The following NOC4L variants were observed in gnomAD, a reference collection of about 807,000 sequenced individuals.
The protein encoded by NOC4L is nucleolar complex associated 4 homolog, also known as nucleolar complex protein 4 homolog.
NOC4L carries 40 observed loss-of-function variants against 62.8 expected under a neutral mutation model. That is an observed-to-expected ratio of 0.64 (90% CI 0.49 to 0.83). The LOEUF (loss-of-function observed/expected upper bound fraction) is 0.83, where lower values mean the gene tolerates loss of function less well. Among genes scored for constraint, NOC4L ranks in the 40% least tolerant of loss-of-function variants. The pLI is 0.00. For missense variants in NOC4L, 927 were observed against 701.9 expected (o/e 1.32, Z -3.62); for synonymous variants, 433 against 299.8 (o/e 1.44, Z -4.59).
chr12:132,150,626 TCATACCACACC>T (rs1897891015), intron 9 of NOC4L, among the ~76,000 whole-genome samples: 27 of 896 alleles, frequency 0.03, 13 homozygotes, highest in South Asian at 0.15. Flanking sequence ...GCCGCCTCGC[TCATACCACACC>T]CCTAATCCCC....
chr12:132,151,551 C>A lies in NOC4L; in HGVS notation c.1141C>A (p.Pro381Thr), dbSNP rs762665769. 3 of 1,609,434 alleles carry A rather than the reference C, an allele frequency of 1.9e-6. No individual in the cohort carries two copies. Among genetic ancestry groups the A allele is most frequent in the Admixed American group, 1.7e-5 (1 of 59,788 alleles). ...RLARLALTAP[P>T]EALLMVLPFI... ...GGCCCGCCTGGCCCTGACGGCTCCC[C>A]CTGAGGCCCTGCTCATGGTCCTGCC... The change falls in exon 12 of 15, where the codon CCT becomes ACT. Residue 381 changes from proline to threonine, a missense_variant. By Grantham distance (38) the Pro-to-Thr change is conservative (BLOSUM62 -1). Transcript: ENST00000330579.
Position 132,148,666 on chromosome 12 carries a change from GC to G in NOC4L, c.789+9del. On this transcript the variant is annotated splice_region_variant and intron_variant, in intron 8 of 14. Coordinates refer to ENST00000330579, the MANE Select transcript of NOC4L (RefSeq NM_024078.3). Reference sequence around the variant, plus strand: ...CAGCTTCCTCAAGCACAAGGTAGGGGCCAGGCCGGGGAGGGGGCGGGGGCGG... The same window carrying G: ...CAGCTTCCTCAAGCACAAGGTAGGGGCAGGCCGGGGAGGGGGCGGGGGCGG... 2 of 1,455,334 alleles carry G rather than the reference GC, an allele frequency of 1.4e-6. No individual in the cohort carries two copies. Among genetic ancestry groups the G allele is most frequent in the South Asian group, 1.2e-5 (1 of 81,746 alleles). 90.2% of individuals were successfully genotyped at this position (1,455,334 alleles called of 1,614,324 possible). A position where few individuals can be genotyped will look rare whatever the true frequency, so the allele number is the denominator to read the frequency against.
At chr12:132,145,831 G>A (rs1209045060) in intron 3 of NOC4L, among the ~76,000 whole-genome samples, 166 bp downstream of exon 3, 6 of 152,182 alleles carry the variant, frequency 3.9e-5, no homozygotes, top group Admixed American at 6.5e-5. Context: ...CATGGCTATC[G>A]AGTCCTGTAG....
chr12:132,144,580 T>C lies in NOC4L; in HGVS notation c.92T>C (p.Val31Ala), dbSNP rs1897635199. Residue 31 changes from valine (V) to alanine (A), a missense_variant, in exon 1 of 15, where the codon GTG becomes GCG. By Grantham distance (64) the Val-to-Ala change is moderately conservative. Transcript: ENST00000330579. ...GCGAGCCGCAGTGAGGCCAACGCCG[T>C]GTTCGACATCCTGGCCGTGCTGCAG... ...VLASRSEANA[V>A]FDILAVLQSE... The C allele has an allele frequency of 1.3e-6, 2 of 1,522,990 alleles. No individual in the cohort carries two copies. The highest frequency in any genetic ancestry group is 2.0e-5 in the Admixed American group (1 of 49,988). 94.3% of individuals were successfully genotyped at this position (1,522,990 alleles called of 1,614,324 possible).
intron 3 of NOC4L, among the ~76,000 whole-genome samples, chr12:132,145,946 G>A (rs1012418835): frequency 1.3e-5 from 2 of 152,228 alleles, no homozygotes; most frequent in Non-Finnish European, 2.9e-5. Flanking sequence ...GTCCACAGAT[G>A]TGTTTGCTCA....
chr12:132,148,205 G>A, intron 7 of NOC4L, 99 bp downstream of exon 7: 1 of 1,271,768 alleles, frequency 7.9e-7, no homozygotes. Context: ...CTCACCAGAG[G>A]AAACTCCCAG....
chr12:132,145,568 G>A lies in NOC4L; in HGVS notation c.248G>A (p.Gly83Glu), dbSNP rs755207814. 6.2e-7 allele frequency: 1 copy of A among 1,611,930 alleles called. No individual in the cohort carries two copies. The highest frequency in any genetic ancestry group is 2.2e-5 in the East Asian group (1 of 44,860). The change falls in exon 3 of 15, where the codon GGA becomes GAA. Residue 83 changes from glycine (G) to glutamate (E), a missense_variant. Physicochemically the swap from Gly to Glu is moderately conservative, Grantham distance 98. Coordinates refer to ENST00000330579, the MANE Select transcript of NOC4L (RefSeq NM_024078.3). Reference sequence around the variant, plus strand: ...CCTAACCTGTCTGCAGGGTCCCAGGGAGCCACACGGAAGTACAAGGTGTGG... The same window carrying A: ...CCTAACCTGTCTGCAGGGTCCCAGGAAGCCACACGGAAGTACAAGGTGTGG... ...SEEMVMTGSQ[G>E]ATRKYKVWMR...
At chr12:132,148,440 G>A (rs1197781555) in intron 7 of NOC4L, among the ~76,000 whole-genome samples, 169 bp from the exon 8 acceptor site, 1 of 152,206 alleles carries the variant, frequency 6.6e-6, no homozygotes, top group Non-Finnish European at 1.5e-5. Context: ...CCAGCCTCGA[G>A]GGCAAGGCGT....
At position 132,145,548 on chromosome 12, in the gene NOC4L, C is replaced by G; in HGVS notation, c.239-11C>G. On this transcript the variant is annotated splice_polypyrimidine_tract_variant and intron_variant, in intron 2 of 14. Coordinates refer to ENST00000330579, the MANE Select transcript of NOC4L (RefSeq NM_024078.3). ...GCCTCACGTGGGCTGACCACCCTAA[C>G]CTGTCTGCAGGGTCCCAGGGAGCCA... The G allele has an allele frequency of 6.2e-7, 1 of 1,600,850 alleles. No homozygotes were observed. The highest frequency in any genetic ancestry group is 8.5e-7 in the Non-Finnish European group (1 of 1,170,234).
rs1452614898 is a variant in NOC4L at position 132,147,284 on chromosome 12, C to G, written c.349C>G (p.Leu117Val). Residue 117 changes from leucine (L) to valine (V), a missense_variant, in exon 4 of 15, where the codon CTG becomes GTG. Leu to Val is a conservative substitution (Grantham distance 32). Transcript: ENST00000330579. ...CCCTGCACTGCCCCCTTCCCAGGAG[C>G]TGGCCCTCAGCGCACTCCTGAAGTT... ...LGHPSFQVKE[L>V]ALSALLKFVQ... is the part of the protein sequence containing the mutation. The G allele has an allele frequency of 7.1e-6, 11 of 1,542,172 alleles. No homozygotes were observed. In the South Asian group the frequency reaches 1.3e-4, roughly 19 times the overall value.
In NOC4L at chr12:132,147,747, G is replaced by A. The variant is rs143756467; in HGVS notation, c.568G>A (p.Asp190Asn). The A allele has an allele frequency of 4.7e-4, 761 of 1,612,834 alleles. No homozygotes were observed. The highest frequency in any genetic ancestry group is 1.0e-3 in the Admixed American group (61 of 60,026). ...TRYHTMQAAV[D>N]AVARVTGQHP... ...CTACCACACCATGCAGGCAGCCGTGGATGCCGTGGCCCGGGTCACTGGCCA... is the reference window on the plus strand; with the variant it reads ...CTACCACACCATGCAGGCAGCCGTGAATGCCGTGGCCCGGGTCACTGGCCA... Residue 190 changes from aspartate to asparagine, a missense_variant, in exon 5 of 15, where the codon GAT (aspartate) becomes AAT (asparagine). Asp to Asn is a conservative substitution (Grantham distance 23). Coordinates refer to ENST00000330579, the MANE Select transcript of NOC4L (RefSeq NM_024078.3).
chr12:132,152,369 G>C lies in NOC4L; in HGVS notation c.1519G>C (p.Glu507Gln). ...PAQGLLGRPGELCAQHFTLS is the reference protein window; with the variant it reads ...PAQGLLGRPGQLCAQHFTLS ...CCAGGGCCTGCTGGGACGGCCGGGT[G>C]AACTCTGTGCCCAGCACTTCACGCT... The change falls in exon 15 of 15, where the codon GAA (glutamate) becomes CAA (glutamine). Residue 507 changes from glutamate (E) to glutamine (Q), a missense_variant. Transcript: ENST00000330579. 1.3e-6 allele frequency: 2 copies of C among 1,577,822 alleles called. No individual in the cohort carries two copies. Among genetic ancestry groups the C allele is most frequent in the South Asian group, 2.3e-5 (2 of 86,526 alleles).
chr12:132,148,475 G>A (rs1897810330), intron 7 of NOC4L, 134 bp from the exon 8 acceptor site: 2 of 967,944 alleles, frequency 2.1e-6, no homozygotes, highest in African/African-American at 1.6e-5. Flanking sequence ...GGGACAGGAA[G>A]AAGGAAGGCA....
Position 132,147,739 on chromosome 12 carries a change from C to T in NOC4L, c.560C>T (p.Ala187Val), listed in dbSNP as rs751420540. Reference sequence around the variant, plus strand: ...GACACCCGCTACCACACCATGCAGGCAGCCGTGGATGCCGTGGCCCGGGTC... The same window carrying T: ...GACACCCGCTACCACACCATGCAGGTAGCCGTGGATGCCGTGGCCCGGGTC... Reference protein sequence around the residue: ...YDDTRYHTMQAAVDAVARVTG... With the variant: ...YDDTRYHTMQVAVDAVARVTG... Residue 187 changes from alanine (A) to valine (V), a missense_variant, in exon 5 of 15, where the codon GCA becomes GTA. Transcript: ENST00000330579. 23 of 1,612,756 alleles carry T rather than the reference C, an allele frequency of 1.4e-5. No individual in the cohort carries two copies. Among genetic ancestry groups the T allele is most frequent in the Non-Finnish European group, 1.7e-5 (20 of 1,179,982 alleles).
chr12:132,145,406 C>T (rs1897675323), intron 2 of NOC4L, among the ~76,000 whole-genome samples, 153 bp from the exon 3 acceptor site: 2 of 152,196 alleles, frequency 1.3e-5, no homozygotes, highest in Admixed American at 1.3e-4. Flanking sequence ...GTGCTGGTCT[C>T]AGCACAGGTC....
chr12:132,148,487 G>A, intron 7 of NOC4L, 122 bp from the exon 8 acceptor site: 1 of 1,067,766 alleles, frequency 9.4e-7, no homozygotes, highest in South Asian at 1.5e-5. Context: ...AGGAAGGCAG[G>A]GTCAGAAAAG....
chr12:132,147,466 G>A, intron 4 of NOC4L, 78 bp downstream of exon 4: 5 of 1,461,544 alleles, frequency 3.4e-6, no homozygotes, highest in Non-Finnish European at 4.6e-6. Context: ...TGGGGGCGGG[G>A]CCTGCTGAGC....
Position 132,144,540 on chromosome 12 carries a change from C to T in NOC4L, c.52C>T (p.Leu18=), listed in dbSNP as rs760360991. 3.6e-5 allele frequency: 55 copies of T among 1,518,182 alleles called. No individual in the cohort carries two copies. In the African/African-American group the frequency reaches 6.6e-4, roughly 18 times the overall value. The allele number at this position is 1,518,182 out of a possible 1,614,324, so 94.0% of individuals were successfully genotyped here. The change falls in exon 1 of 15, where the codon CTG becomes TTG. Residue 18 remains leucine, a synonymous_variant. Transcript: ENST00000330579. ...AGTTCGCCGGGCTCTGGGCCGCCGG[C>T]TGGAGGCGGTGCTGGCGAGCCGCAG... ...AGVRRALGRR[L]EAVLASRSEA...
chr12:132,148,737 GC>G (rs1897824488), intron 8 of NOC4L, 46 bp from the exon 9 acceptor site: 3 of 1,181,222 alleles, frequency 2.5e-6, no homozygotes, highest in Non-Finnish European at 2.2e-6. Context: ...CGACCCGCCG[GC>G]CCCCGCCCAC....
Sources: gnomAD v4.1 joint callset for allele counts (sites outside exome capture counted in the v4.1 genomes callset) on GRCh38, gnomAD v4.1.1 for gene constraint, MANE v1.5 for transcripts, NCBI Gene and HGNC (gene_info 2026-07-23, HGNC 2026-07-21) for gene names.